Variants in HPSE2 observed in about 807,000 individuals in gnomAD.
HPSE2 encodes inactive heparanase-2.
A neutral mutation model predicts 60.5 loss-of-function variants in HPSE2; 38 were observed. That is an observed-to-expected ratio of 0.63 (90% CI 0.48 to 0.82). The LOEUF is 0.82. Among genes scored for constraint, HPSE2 ranks in the 40% least tolerant of loss-of-function variants. HPSE2 has a pLI of 0.00. For missense variants in HPSE2, 713 were observed against 740.4 expected, an observed-to-expected ratio of 0.96 and a Z score of 0.43; for synonymous variants, 295 against 293.2, an observed-to-expected ratio of 1.01 and a Z score of -0.06.
chr10:99,241,737 G>A, the HPSE2 span, among the ~76,000 whole-genome samples: 23 of 152,044 alleles, frequency 1.5e-4, no homozygotes, highest in Non-Finnish European at 3.1e-4. Flanking sequence ...CTCTAGCCTG[G>A]GTAACAGAAC....
chr10:99,079,776 T>C (rs1038931287), intron 3 of HPSE2, among the ~76,000 whole-genome samples: 1 of 151,866 alleles, frequency 6.6e-6, no homozygotes, highest in African/African-American at 2.4e-5. Flanking sequence ...TTGTGCTGAG[T>C]TGGGGGCATG....
the HPSE2 span, among the ~76,000 whole-genome samples, chr10:99,288,617 G>A: frequency 6.6e-6 from 1 of 151,874 alleles, no homozygotes; most frequent in Non-Finnish European, 1.5e-5. Flanking sequence ...CAACACAGGA[G>A]AAAAGCAAAG....
At chr10:98,534,094 C>T (rs1480268468) in intron 9 of HPSE2, among the ~76,000 whole-genome samples, 1 of 152,112 alleles carries the variant, frequency 6.6e-6, no homozygotes, top group Non-Finnish European at 1.5e-5. Context: ...TTTTAAATGC[C>T]AGGACATCAC....
intron 9 of HPSE2, among the ~76,000 whole-genome samples, chr10:98,567,938 C>T (rs866509981): frequency 3.3e-5 from 5 of 152,170 alleles, no homozygotes; most frequent in Admixed American, 3.3e-4. Context: ...GTGGCCCCAC[C>T]TCATGGGATA....
At chr10:98,875,656 G>T (rs1952858194) in intron 3 of HPSE2, among the ~76,000 whole-genome samples, 1 of 151,936 alleles carries the variant, frequency 6.6e-6, no homozygotes, top group East Asian at 1.9e-4. Context: ...GAAAAGGAGG[G>T]ACTCCTCCCT....
At chr10:98,489,270 T>C (rs1471066183) in intron 10 of HPSE2, among the ~76,000 whole-genome samples, 1 of 152,210 alleles carries the variant, frequency 6.6e-6, no homozygotes, top group Non-Finnish European at 1.5e-5. Context: ...CCCCCACCCC[T>C]GATTATAGTT....
At chr10:99,079,563 T>G (rs972790178) in intron 3 of HPSE2, among the ~76,000 whole-genome samples, 1 of 152,110 alleles carries the variant, frequency 6.6e-6, no homozygotes, top group East Asian at 1.9e-4. Flanking sequence ...GGGGTTATGG[T>G]AAACGCCAGC....
intron 3 of HPSE2, among the ~76,000 whole-genome samples, chr10:98,954,231 C>T (rs545248767): frequency 5.9e-5 from 9 of 152,066 alleles, no homozygotes; most frequent in East Asian, 1.9e-4. Flanking sequence ...CACTTGAACC[C>T]GGGAGGCAGA....
At chr10:98,488,000 T>G (rs902236667) in intron 10 of HPSE2, among the ~76,000 whole-genome samples, 1 of 152,240 alleles carries the variant, frequency 6.6e-6, no homozygotes, top group Non-Finnish European at 1.5e-5. Flanking sequence ...TCAACCCAGT[T>G]ATTATCATTA....
At chr10:98,844,288 G>A (rs975167785) in intron 3 of HPSE2, among the ~76,000 whole-genome samples, 27 of 152,212 alleles carry the variant, frequency 1.8e-4, no homozygotes, top group Admixed American at 1.8e-3. Context: ...AAAGCTTCCA[G>A]AAAGAACAAC....
At chr10:98,547,338 A>G (rs1943716531) in intron 9 of HPSE2, among the ~76,000 whole-genome samples, 1 of 147,690 alleles carries the variant, frequency 6.8e-6, no homozygotes, top group East Asian at 2.1e-4. Flanking sequence ...TCATGCTGCT[A>G]TAAAGACACA....
chr10:99,066,154 T>A (rs999547541), intron 3 of HPSE2, among the ~76,000 whole-genome samples: 15 of 152,092 alleles, frequency 9.9e-5, no homozygotes, highest in African/African-American at 3.4e-4. Context: ...AACCCCAATA[T>A]CCAAACAGAA....
At chr10:99,027,535 A>G (rs1957405335) in intron 3 of HPSE2, among the ~76,000 whole-genome samples, 1 of 152,200 alleles carries the variant, frequency 6.6e-6, no homozygotes, top group African/African-American at 2.4e-5. Context: ...AAAACATTTA[A>G]GGAAGAATTA....
intron 11 of HPSE2, among the ~76,000 whole-genome samples, chr10:98,470,304 C>G (rs1263539259): frequency 1.3e-5 from 2 of 152,204 alleles, no homozygotes; most frequent in Non-Finnish European, 2.9e-5. Flanking sequence ...GGCTCTGTTC[C>G]AGATCCCACA....
At chr10:99,180,158 CT>C (rs1270517296) in intron 2 of HPSE2, among the ~76,000 whole-genome samples, 3 of 152,118 alleles carry the variant, frequency 2.0e-5, no homozygotes, top group Non-Finnish European at 4.4e-5. Flanking sequence ...CATAAAAACC[CT>C]AGAAGAAAAC....
chr10:98,978,290 T>TA (rs1213696898), intron 3 of HPSE2, among the ~76,000 whole-genome samples: 2 of 151,996 alleles, frequency 1.3e-5, no homozygotes, highest in East Asian at 3.9e-4. Flanking sequence ...AGCAGGCCTT[T>TA]AAAAAAAATC....
At chr10:99,172,475 T>C (rs1275971171) in intron 2 of HPSE2, among the ~76,000 whole-genome samples, 3 of 152,110 alleles carry the variant, frequency 2.0e-5, no homozygotes, top group Non-Finnish European at 2.9e-5. Context: ...TTGGACTATA[T>C]TGGACACTAT....
intron 3 of HPSE2, among the ~76,000 whole-genome samples, chr10:99,107,154 A>T (rs1056823206): frequency 5.3e-5 from 8 of 152,148 alleles, no homozygotes; most frequent in African/African-American, 1.9e-4. Context: ...TACAGGTGTG[A>T]GCCACCACAT....
At chr10:98,935,013 C>T (rs1215603110) in intron 3 of HPSE2, among the ~76,000 whole-genome samples, 1 of 142,072 alleles carries the variant, frequency 7.0e-6, no homozygotes, top group Non-Finnish European at 1.5e-5. Context: ...TCTTGTCTGC[C>T]TGCCTTATTT....
Sources: gnomAD v4.1 joint callset for allele counts (sites outside exome capture counted in the v4.1 genomes callset) on GRCh38, gnomAD v4.1.1 for gene constraint, MANE v1.5 for transcripts, NCBI Gene and HGNC (gene_info 2026-07-23, HGNC 2026-07-21) for gene names.